The following LLGL2 variants were observed in gnomAD, a reference collection of about 807,000 sequenced individuals.
LLGL2 encodes LLGL scribble cell polarity complex component 2, also known as LLGL2, scribble cell polarity complex component.
In LLGL2, 81 loss-of-function variants were observed where a neutral mutation model predicts 123.2. The observed-to-expected ratio is 0.66, with a 90% confidence interval of 0.55 to 0.79. The LOEUF (loss-of-function observed/expected upper bound fraction) is 0.79. Ranked by LOEUF, LLGL2 falls within the 30% of genes least tolerant of loss-of-function variation. The pLI, the probability that LLGL2 is intolerant of heterozygous loss-of-function variation, is 0.00. For missense variants in LLGL2, 1,273 were observed against 1,414.6 expected (o/e 0.90, Z 1.61); for synonymous variants, 577 against 594.1 (o/e 0.97, Z 0.42).
chr17:75,530,590 C>T (rs2053744596), intron 1 of LLGL2, among the ~76,000 whole-genome samples: 1 of 147,672 alleles, frequency 6.8e-6, no homozygotes, highest in African/African-American at 2.5e-5. Context: ...GCAGAGCTGG[C>T]AGTGAGCCGA....
At chr17:75,556,740 C>T (rs768781065) in intron 3 of LLGL2, among the ~76,000 whole-genome samples, 1 of 152,172 alleles carries the variant, frequency 6.6e-6, no homozygotes, top group Non-Finnish European at 1.5e-5. Context: ...CCCCTCTTGT[C>T]GCTAGGGATG....
At chr17:75,548,049 C>A (rs1368807327) in intron 2 of LLGL2, among the ~76,000 whole-genome samples, 1 of 152,176 alleles carries the variant, frequency 6.6e-6, no homozygotes, top group Non-Finnish European at 1.5e-5. Context: ...GAAGTGCCAA[C>A]ATGACACTGA....
Position 75,564,442 on chromosome 17 carries a change from C to T in LLGL2, c.971C>T (p.Thr324Met), listed in dbSNP as rs138752407. Residue 324 changes from threonine to methionine, a missense_variant, in exon 10 of 26, where the codon ACG becomes ATG. Thr to Met is a moderately conservative substitution (Grantham distance 81, BLOSUM62 -1). Coordinates refer to ENST00000392550, the MANE Select transcript of LLGL2 (RefSeq NM_001031803.2). This position sits in a 1 kb window ranked among gnomAD's most constrained non-coding sequence, Gnocchi z 4.9. ...TCAGTGATCCACGATGGCCAGCAGACGGCCTTCGACTTCACCTCCCGTGTC... is the reference window on the plus strand; with the variant it reads ...TCAGTGATCCACGATGGCCAGCAGATGGCCTTCGACTTCACCTCCCGTGTC... ...CISVIHDGQQ[T>M]AFDFTSRVIG... The T allele has an allele frequency of 3.1e-5, 50 of 1,613,534 alleles. No homozygotes were observed. The highest frequency in any genetic ancestry group is 8.0e-5 in the African/African-American group (6 of 75,072).
chr17:75,569,551 C>T (rs560292745), intron 14 of LLGL2, among the ~76,000 whole-genome samples: 27 of 152,282 alleles, frequency 1.8e-4, no homozygotes, highest in Admixed American at 3.3e-4. Context: ...GCCTGTAATC[C>T]CAGCACTTTG....
Position 75,529,775 on chromosome 17 carries a change from C to T in LLGL2, c.-31+3950C>T, listed in dbSNP as rs565653996. Among the ~76,000 whole-genome samples the T allele has an allele frequency of 1.5e-3, 230 of 151,906 alleles. 1 individual carries two copies. The highest frequency in any genetic ancestry group is 2.9e-3 in the Non-Finnish European group (195 of 67,958). The stretch of plus-strand genomic sequence containing the variant: ...ACTCAGGAGGCTGAGGCAGGAGAAT[C>T]GCTGGAACCCAGGAGGCGGAGGTTG... On this transcript the variant is annotated intron_variant, in intron 1 of 25. Coordinates refer to ENST00000392550, the MANE Select transcript of LLGL2 (RefSeq NM_001031803.2).
In LLGL2 at chr17:75,571,686, G is replaced by A. The variant is rs150869543; in HGVS notation, c.2196G>A (p.Ser732=). Residue 732 remains serine (S), a synonymous_variant, in exon 18 of 26, where the codon TCG becomes TCA. Transcript: ENST00000392550. ...YLKDSSRHCP[S]LWAGTNGGTI... Reference sequence around the variant, plus strand: ...CGGCAGGCTCCCGGCACTGCCCCTCGCTGTGGGCTGGCACCAATGGGGGCA... The same window carrying A: ...CGGCAGGCTCCCGGCACTGCCCCTCACTGTGGGCTGGCACCAATGGGGGCA... The A allele has an allele frequency of 1.9e-5, 31 of 1,608,756 alleles. No homozygotes were observed. The highest frequency in any genetic ancestry group is 1.7e-4 in the Middle Eastern group (1 of 5,966).
Position 75,568,942 on chromosome 17 carries a change from T to C in LLGL2, c.1323-36T>C, listed in dbSNP as rs1024149522. ...CAGCCCCTGGGCATCCCGGCTGGCA[T>C]CCCTCTCACGCCTGGCAGGTGGGTT... On this transcript the variant is annotated intron_variant, in intron 12 of 25. Transcript: ENST00000392550. 6.3e-6 allele frequency: 10 copies of C among 1,594,058 alleles called. No homozygotes were observed. The African/African-American group carries it at 1.2e-4, about 19-fold the overall frequency.
chr17:75,568,589 T>C lies in LLGL2; in HGVS notation c.1150T>C (p.Cys384Arg), dbSNP rs757373684. The C allele has an allele frequency of 6.2e-7, 1 of 1,613,990 alleles. No homozygotes were observed. The highest frequency in any genetic ancestry group is 8.5e-7 in the Non-Finnish European group (1 of 1,180,038). Residue 384 changes from cysteine to arginine, a missense_variant, in exon 11 of 26, where the codon TGT becomes CGT. By Grantham distance (180) the Cys-to-Arg change is radical. Transcript: ENST00000392550. ...VQLPYLASLH[C>R]SAITCSHHVS... ...GCTGCCCTACCTGGCTTCTCTGCAC[T>C]GTTCCGCCATCACCTGCTCTCACCA...
Position 75,556,105 on chromosome 17 carries a change from C to T in LLGL2, c.135C>T (p.Arg45=), listed in dbSNP as rs2054902691. Residue 45 remains arginine, a synonymous_variant, in exon 3 of 26, where the codon CGC becomes CGT. Coordinates refer to ENST00000392550, the MANE Select transcript of LLGL2 (RefSeq NM_001031803.2). Reference sequence around the variant, plus strand: ...CCCTCGGCTACAGCCCGTCCCTGCGCATCCTGGCCATCGGCACCCGTTCTG... The same window carrying T: ...CCCTCGGCTACAGCCCGTCCCTGCGTATCCTGGCCATCGGCACCCGTTCTG... The part of the protein sequence containing the change: ...PSALGYSPSL[R]ILAIGTRSGA... The T allele has an allele frequency of 1.2e-6, 2 of 1,610,122 alleles. No homozygotes were observed. The highest frequency in any genetic ancestry group is 8.5e-7 in the Non-Finnish European group (1 of 1,179,962).
chr17:75,558,805 T>TGCCTCCTCCATCCACACCAC lies in LLGL2; in HGVS notation c.371+192_371+211dup, dbSNP rs1568051676. Among the ~76,000 whole-genome samples the TGCCTCCTCCATCCACACCAC allele has an allele frequency of 2.3e-4, 34 of 148,408 alleles. 3 individuals are homozygous for TGCCTCCTCCATCCACACCAC. Among genetic ancestry groups the TGCCTCCTCCATCCACACCAC allele is most frequent in the African/African-American group, 6.4e-4 (25 of 39,036 alleles). ...GAGTGGAGTGGGCGGGGCTGCAGCC[T>TGCCTCCTCCATCCACACCAC]GCCTCCTCCATCCACACCACGCCTC... On this transcript the variant is annotated intron_variant, in intron 5 of 25. Transcript: ENST00000392550. The surrounding 1 kb of genome is among the most constrained non-coding windows in gnomAD (Gnocchi z 4.0).
intron 2 of LLGL2, among the ~76,000 whole-genome samples, chr17:75,554,297 C>A (rs1396163312): frequency 3.4e-5 from 2 of 58,970 alleles, no homozygotes; most frequent in Admixed American, 3.2e-4. Context: ...AGCAAAACTC[C>A]GTCTCAAAAA....
intron 6 of LLGL2, among the ~76,000 whole-genome samples, chr17:75,560,708 A>G (rs1413435439): frequency 1.4e-5 from 2 of 142,512 alleles, no homozygotes; most frequent in African/African-American, 5.2e-5. Context: ...CTAGTCTCGA[A>G]CTCCCGACCT....
intron 2 of LLGL2, among the ~76,000 whole-genome samples, chr17:75,555,605 G>T (rs1466711404): frequency 6.6e-6 from 1 of 152,078 alleles, no homozygotes; most frequent in Non-Finnish European, 1.5e-5. Flanking sequence ...CGGTACTCTA[G>T]GCCCCTGGGT....
Position 75,563,108 on chromosome 17 carries a change from A to G in LLGL2, c.623A>G (p.Tyr208Cys). The G allele has an allele frequency of 6.2e-7, 1 of 1,613,176 alleles. No individual in the cohort carries two copies. Among genetic ancestry groups the G allele is most frequent in the Non-Finnish European group, 8.5e-7 (1 of 1,180,022 alleles). Residue 208 changes from tyrosine to cysteine, a missense_variant, in exon 7 of 26, where the codon TAC (tyrosine) becomes TGC (cysteine). Transcript: ENST00000392550. ...PRDPNQILIG[Y>C]SRGLVVIWDL... is the part of the protein sequence containing the mutation. Reference sequence around the variant, plus strand: ...GACCCCAACCAGATCCTGATCGGCTACAGCCGAGGCCTCGTTGTCATCTGG... The same window carrying G: ...GACCCCAACCAGATCCTGATCGGCTGCAGCCGAGGCCTCGTTGTCATCTGG...
chr17:75,570,794 C>A (rs2055669644), intron 16 of LLGL2, among the ~76,000 whole-genome samples, 156 bp from the exon 17 acceptor site: 1 of 152,212 alleles, frequency 6.6e-6, no homozygotes, highest in Admixed American at 6.5e-5. Context: ...CCCAAGGGCA[C>A]CTCCCTCTTG....
chr17:75,560,433 G>GGC (rs1332377881), intron 6 of LLGL2, among the ~76,000 whole-genome samples: 2 of 152,022 alleles, frequency 1.3e-5, no homozygotes, highest in Non-Finnish European at 2.9e-5. Context: ...CGGCGGGGGG[G>GGC]CCCAAGTGCC....
intron 2 of LLGL2, among the ~76,000 whole-genome samples, chr17:75,547,296 G>A (rs910248586): frequency 1.3e-5 from 2 of 152,202 alleles, no homozygotes; most frequent in African/African-American, 4.8e-5. Flanking sequence ...CCAGTTCACC[G>A]AGGGCTATGT....
chr17:75,539,283 ACTC>A (rs2054119871), intron 1 of LLGL2, among the ~76,000 whole-genome samples: 1 of 150,830 alleles, frequency 6.6e-6, no homozygotes, highest in Admixed American at 6.6e-5. Context: ...CTGGTCTTGA[ACTC>A]CTGAGCTCAA....
Position 75,573,255 on chromosome 17 carries a change from G to C in LLGL2, c.2702G>C (p.Cys901Ser), listed in dbSNP as rs370269067. ...GAGGACGTCAGTGGCATCGCCTCCTGCGTCTTCACCAAATATGGCCAAGGT... is the reference window on the plus strand; with the variant it reads ...GAGGACGTCAGTGGCATCGCCTCCTCCGTCTTCACCAAATATGGCCAAGGT... Reference protein sequence around the residue: ...RREDVSGIASCVFTKYGQGFY... With the variant: ...RREDVSGIASSVFTKYGQGFY... The change falls in exon 20 of 26, where the codon TGC becomes TCC. Residue 901 changes from cysteine to serine, a missense_variant. By Grantham distance (112) the Cys-to-Ser change is moderately radical. Coordinates refer to ENST00000392550, the MANE Select transcript of LLGL2 (RefSeq NM_001031803.2). The C allele has an allele frequency of 6.2e-7, 1 of 1,604,772 alleles. No individual in the cohort carries two copies. Among genetic ancestry groups the C allele is most frequent in the African/African-American group, 1.3e-5 (1 of 74,800 alleles).
Sources: allele counts gnomAD v4.1 joint callset (sites outside exome capture counted in the v4.1 genomes callset), GRCh38; gene constraint gnomAD v4.1.1; non-coding constraint Gnocchi (gnomAD v3.1); transcripts MANE v1.5; gene names NCBI Gene and HGNC (gene_info 2026-07-23, HGNC 2026-07-21).